GMDS: variants seen among roughly 807,000 people sequenced by gnomAD.
The protein encoded by GMDS is GDP-mannose 4,6 dehydratase.
In GMDS, 20 loss-of-function variants were observed where a neutral mutation model predicts 49.9. That is an observed-to-expected ratio of 0.40 (90% CI 0.28 to 0.58). The LOEUF is 0.58. GMDS is among the 20% of genes least tolerant of loss of function. The pLI is 0.42. For missense variants in GMDS, 362 were observed against 481.4 expected, an observed-to-expected ratio of 0.75 and a Z score of 2.32; for synonymous variants, 177 against 178.6, an observed-to-expected ratio of 0.99 and a Z score of 0.07.
chr6:2,238,106 G>A (rs1781450022), intron 1 of GMDS, among the ~76,000 whole-genome samples: 1 of 151,932 alleles, frequency 6.6e-6, no homozygotes, highest in Non-Finnish European at 1.5e-5. Context: ...AAGACAAAGA[G>A]GCCAGGTGCA....
At chr6:2,099,434 G>A (rs1773799512) in intron 4 of GMDS, among the ~76,000 whole-genome samples, 1 of 151,994 alleles carries the variant, frequency 6.6e-6, no homozygotes, top group Admixed American at 6.6e-5. Flanking sequence ...GTAATTGTCT[G>A]TAAATTATAA....
intron 1 of GMDS, among the ~76,000 whole-genome samples, chr6:2,219,377 C>G (rs1257721430): frequency 6.6e-6 from 1 of 152,144 alleles, no homozygotes; most frequent in Non-Finnish European, 1.5e-5. Flanking sequence ...AACAGTGCAT[C>G]CTGTTAAGTG....
At chr6:2,064,824 T>G (rs2127451425) in intron 4 of GMDS, among the ~76,000 whole-genome samples, 1 of 152,196 alleles carries the variant, frequency 6.6e-6, no homozygotes, top group South Asian at 2.1e-4. Context: ...ACTTACAGAG[T>G]GCTTTTGGGG....
At chr6:1,918,503 T>TG (rs1761529278) in intron 7 of GMDS, among the ~76,000 whole-genome samples, 1 of 152,064 alleles carries the variant, frequency 6.6e-6, no homozygotes, top group Non-Finnish European at 1.5e-5. Flanking sequence ...TCCAGTCCTT[T>TG]GGGGGGCCGA....
chr6:1,673,658 A>C (rs1764498194), intron 9 of GMDS, among the ~76,000 whole-genome samples: 1 of 152,092 alleles, frequency 6.6e-6, no homozygotes, highest in African/African-American at 2.4e-5. Flanking sequence ...TATCATATAG[A>C]ATAGTTCTGC....
At chr6:1,777,228 G>A (rs564203963) in intron 7 of GMDS, among the ~76,000 whole-genome samples, 6 of 152,368 alleles carry the variant, frequency 3.9e-5, no homozygotes, top group Admixed American at 1.3e-4. Context: ...GAGGGGAGAC[G>A]CGCTGCTGCG....
At chr6:1,869,710 T>TA (rs551909347) in intron 7 of GMDS, among the ~76,000 whole-genome samples, 1 of 152,160 alleles carries the variant, frequency 6.6e-6, no homozygotes, top group African/African-American at 2.4e-5. Flanking sequence ...CTTTTACTGT[T>TA]AAAAAATAAA....
chr6:2,017,756 T>A (rs1768000119), intron 4 of GMDS, among the ~76,000 whole-genome samples: 1 of 152,162 alleles, frequency 6.6e-6, no homozygotes, highest in Non-Finnish European at 1.5e-5. Context: ...AATATATATT[T>A]CATATGTTAT....
At chr6:2,213,021 G>A (rs9503125) in intron 1 of GMDS, among the ~76,000 whole-genome samples, 28,031 of 152,100 alleles carry the variant, frequency 0.18, 2,763 homozygotes, top group South Asian at 0.28. Flanking sequence ...AGGAACCTTA[G>A]GGACAGGGAA....
chr6:2,161,925 A>G (rs1777419705), intron 1 of GMDS, among the ~76,000 whole-genome samples: 1 of 152,216 alleles, frequency 6.6e-6, no homozygotes, highest in African/African-American at 2.4e-5. Context: ...CAATAAACTC[A>G]AAAGCAAGAT....
intron 9 of GMDS, among the ~76,000 whole-genome samples, chr6:1,667,430 C>T (rs1218477357): frequency 6.6e-6 from 1 of 152,144 alleles, no homozygotes; most frequent in Non-Finnish European, 1.5e-5. Flanking sequence ...ATTAAACTTG[C>T]CCTATCAATT....
At chr6:2,028,058 TA>T (rs555649532) in intron 4 of GMDS, among the ~76,000 whole-genome samples, 2 of 152,136 alleles carry the variant, frequency 1.3e-5, no homozygotes, top group East Asian at 1.9e-4. Context: ...GGGCCCGCCT[TA>T]AAAAAATCTA....
chr6:2,241,426 A>T (rs1050435451), intron 1 of GMDS, among the ~76,000 whole-genome samples: 8 of 152,174 alleles, frequency 5.3e-5, no homozygotes, highest in African/African-American at 1.9e-4. Flanking sequence ...TGTGAGAAGG[A>T]TGAGATCTGG....
chr6:1,943,608 A>G (rs1010019670), intron 6 of GMDS, among the ~76,000 whole-genome samples: 21 of 152,252 alleles, frequency 1.4e-4, no homozygotes, highest in South Asian at 2.1e-4. Flanking sequence ...TGCTTCTGCC[A>G]TAATTCCAGA....
intron 4 of GMDS, among the ~76,000 whole-genome samples, chr6:2,000,275 TCCACCCGCCTTGGCCTCCC>T (rs1766714976): frequency 6.6e-6 from 1 of 150,790 alleles, no homozygotes. Context: ...GACCTTGTGA[TCCACCCGCCTTGGCCTCCC>T]AAAATGCTGG....
At chr6:1,645,668 C>G (rs553678815) in intron 9 of GMDS, among the ~76,000 whole-genome samples, 1 of 152,242 alleles carries the variant, frequency 6.6e-6, no homozygotes, top group Non-Finnish European at 1.5e-5. Context: ...ACTATGGCCT[C>G]TATGTGAGGA....
chr6:1,797,396 T>C (rs1769783418), intron 7 of GMDS, among the ~76,000 whole-genome samples: 1 of 152,200 alleles, frequency 6.6e-6, no homozygotes, highest in African/African-American at 2.4e-5. Context: ...CTTCTTGAGC[T>C]TAGGTCATAA....
chr6:2,212,138 T>C (rs1331378554), intron 1 of GMDS, among the ~76,000 whole-genome samples: 2 of 152,224 alleles, frequency 1.3e-5, no homozygotes, highest in African/African-American at 4.8e-5. Flanking sequence ...CAAGTAGATG[T>C]GATATTTTGT....
chr6:1,714,360 T>C (rs186741894), intron 9 of GMDS, among the ~76,000 whole-genome samples: 3 of 151,702 alleles, frequency 2.0e-5, no homozygotes, highest in Non-Finnish European at 4.4e-5. Context: ...TAAATGACTA[T>C]CATCTTACAC....
Sources: allele counts gnomAD v4.1 joint callset (sites outside exome capture counted in the v4.1 genomes callset), GRCh38; gene constraint gnomAD v4.1.1; transcripts MANE v1.5; gene names NCBI Gene and HGNC (gene_info 2026-07-23, HGNC 2026-07-21).